WRN: variants seen among roughly 807,000 people sequenced by gnomAD.
The protein encoded by WRN is bifunctional 3'-5' exonuclease/ATP-dependent helicase WRN.
In WRN, 149 loss-of-function variants were observed where a neutral mutation model predicts 180.7. That is an observed-to-expected ratio of 0.82 (90% confidence interval 0.72 to 0.94). WRN has a LOEUF of 0.94. Among genes scored for constraint, WRN ranks in the 40% least tolerant of loss-of-function variants. The pLI is 0.00. For missense variants in WRN, 1,661 were observed against 1,700.1 expected (o/e 0.98, Z 0.40); for synonymous variants, 548 against 568.9 (o/e 0.96, Z 0.52).
At position 31,149,453 on chromosome 8, in the gene WRN, G is replaced by A. The variant is rs1803010454; in HGVS notation, c.3573-888G>A. Among the ~76,000 whole-genome samples the A allele has an allele frequency of 3.3e-5, 3 of 91,006 alleles. 1 individual carries two copies. Among genetic ancestry groups the A allele is most frequent in the Admixed American group, 3.0e-4 (2 of 6,724 alleles). 59.7% of individuals were successfully genotyped at this position (91,006 alleles called of 152,430 possible). On this transcript the variant is annotated intron_variant, in intron 30 of 34. Coordinates refer to ENST00000298139, the MANE Select transcript of WRN (RefSeq NM_000553.6). ...ATTCTAAGACCATACTTTAATAGAG[G>A]TGTTTTTTTTTTTTTTTTTTTTTTT... is the stretch of plus-strand genomic sequence containing the variant.
rs751515438 is a variant in WRN, at chr8:31,077,693, G to A, written c.839+1406G>A. ...TGTACTAGCAATTAAAATATCTACT[G>A]GATGTAAATCACATGTGCTTAATGC... On this transcript the variant is annotated intron_variant, in intron 8 of 34. Transcript: ENST00000298139. Among the ~76,000 whole-genome samples, 23 of 152,148 alleles carry A rather than the reference G, an allele frequency of 1.5e-4. 1 individual carries two copies.
At chr8:31,085,372 G>C in intron 11 of WRN, 126 bp downstream of exon 11, 2 of 1,020,984 alleles carry the variant, frequency 2.0e-6, no homozygotes, top group Non-Finnish European at 2.9e-6. Flanking sequence ...TGTAACATTA[G>C]ATTTCACATT....
chr8:31,173,214 A>G lies in WRN; in HGVS notation c.*112A>G, dbSNP rs1302365189. 5.7e-6 allele frequency: 6 copies of G among 1,044,616 alleles called. No homozygotes were observed. Among genetic ancestry groups the G allele is most frequent in the African/African-American group, 3.2e-5 (2 of 62,834 alleles). 64.7% of individuals were successfully genotyped at this position (1,044,616 alleles called of 1,614,324 possible). On this transcript the variant is annotated 3_prime_UTR_variant, in exon 35 of 35. Coordinates refer to ENST00000298139, the MANE Select transcript of WRN (RefSeq NM_000553.6). ...TTGGCTTAAAAATCATTCTAATTACAAAGTTCACTGTTTATTGAAGAACTG... is the reference window on the plus strand; with the variant it reads ...TTGGCTTAAAAATCATTCTAATTACGAAGTTCACTGTTTATTGAAGAACTG...
intron 19 of WRN, among the ~76,000 whole-genome samples, chr8:31,115,618 CTT>C (rs1413653413): frequency 6.6e-6 from 1 of 152,090 alleles, no homozygotes; most frequent in East Asian, 1.9e-4. Flanking sequence ...AATTGATTAA[CTT>C]TTCCTAAATC....
chr8:31,071,058 A>T (rs917358968), intron 7 of WRN, among the ~76,000 whole-genome samples: 1 of 151,968 alleles, frequency 6.6e-6, no homozygotes, highest in Non-Finnish European at 1.5e-5. Flanking sequence ...AAAAAAAAAA[A>T]AAAAAGTTAG....
chr8:31,047,903 T>G (rs1270860245), intron 1 of WRN, among the ~76,000 whole-genome samples: 3 of 152,212 alleles, frequency 2.0e-5, no homozygotes, highest in African/African-American at 7.2e-5. Context: ...ATGGATTCAG[T>G]TCAGGTCAAG....
At chr8:31,145,835 A>C (rs1189630344) in intron 28 of WRN, among the ~76,000 whole-genome samples, 1 of 152,158 alleles carries the variant, frequency 6.6e-6, no homozygotes. Flanking sequence ...GATTCTTATT[A>C]AAATCAAGAG....
rs764445113 is a variant in WRN, at chr8:31,088,907, C to T, written c.1594C>T (p.Pro532Ser). ...DDDKDFLWPAPNEEQVTCLKM... is the reference protein window; with the variant it reads ...DDDKDFLWPASNEEQVTCLKM... ...ATTTCCAGACTTTTTGTGGCCAGCA[C>T]CCAATGAAGAGCAAGTTACTTGCCT... Residue 532 changes from proline to serine, a missense_variant, in exon 13 of 35, where the codon CCC (proline) becomes TCC (serine). Around this residue, in one of 3 missense-constraint regions of WRN, gnomAD observed 1,141 missense variants for 1,149.4 expected, o/e 0.99. Transcript: ENST00000298139. 7.4e-6 allele frequency: 12 copies of T among 1,611,152 alleles called. No individual in the cohort carries two copies. Among genetic ancestry groups the T allele is most frequent in the Non-Finnish European group, 9.3e-6 (11 of 1,178,560 alleles).
intron 24 of WRN, among the ~76,000 whole-genome samples, chr8:31,140,520 C>T (rs539580131): frequency 1.3e-5 from 2 of 151,856 alleles, no homozygotes; most frequent in Admixed American, 6.5e-5. Context: ...AAGAGCGTCC[C>T]GTAGGAATTC....
chr8:31,125,543 T>TATATATATATATATATAG (rs1563366222), intron 23 of WRN, among the ~76,000 whole-genome samples: 3 of 78,412 alleles, frequency 3.8e-5, no homozygotes, highest in Non-Finnish European at 8.7e-5. Flanking sequence ...TGGAGATATA[T>TATATATATATATATATAG]ATATATATAT....
At chr8:31,103,522 C>T (rs1800962592) in intron 18 of WRN, among the ~76,000 whole-genome samples, 1 of 151,764 alleles carries the variant, frequency 6.6e-6, no homozygotes, top group African/African-American at 2.4e-5. Context: ...TCCACATGTG[C>T]TCTGTCATTG....
rs1490031424 is a variant in WRN, at chr8:31,111,950, T to C, written c.2273+151T>C. The C allele has an allele frequency of 3.2e-6, 3 of 952,260 alleles. No individual in the cohort carries two copies. The East Asian group carries it at 7.9e-5, about 25-fold the overall frequency. The allele number at this position is 952,260 out of a possible 1,614,324, so 59.0% of individuals were successfully genotyped here. A position where few individuals can be genotyped will look rare whatever the true frequency, so the allele number is the denominator to read the frequency against. ...GTTTTGGTTCAAGTCAAGCATGATGTTATATAATCAATTCAGTGATTGAGA... is the reference window on the plus strand; with the variant it reads ...GTTTTGGTTCAAGTCAAGCATGATGCTATATAATCAATTCAGTGATTGAGA... On this transcript the variant is annotated intron_variant, in intron 19 of 34. Transcript: ENST00000298139.
rs2725351 is a variant in WRN at position 31,119,930 on chromosome 8, T to C, written c.2449-313T>C. ...CAGGTAAGGACGCTTGAAACTTCAT[T>C]ATAATGCAAAAGTTTTCTTTAACAC... On this transcript the variant is annotated intron_variant, in intron 20 of 34. Coordinates refer to ENST00000298139, the MANE Select transcript of WRN (RefSeq NM_000553.6). 0.35 allele frequency: 109,245 copies of C among 310,100 alleles called. 21,079 individuals carry two copies. Among genetic ancestry groups the C allele is most frequent in the East Asian group, 0.61 (7,610 of 12,552 alleles). The allele number at this position is 310,100 out of a possible 1,614,324, so 19.2% of individuals were successfully genotyped here.
chr8:31,132,579 A>AG, intron 24 of WRN, 73 bp downstream of exon 24: 11 of 1,604,874 alleles, frequency 6.9e-6, no homozygotes, highest in Non-Finnish European at 9.4e-6. Flanking sequence ...AGAGGTTTGC[A>AG]GTATTATGAT....
At chr8:31,164,092 C>G (rs1168435554) in intron 33 of WRN, among the ~76,000 whole-genome samples, 2 of 152,136 alleles carry the variant, frequency 1.3e-5, no homozygotes, top group African/African-American at 2.4e-5. Flanking sequence ...CCCACCTCAG[C>G]CTGCCTAAGT....
intron 28 of WRN, 94 bp downstream of exon 28, chr8:31,143,717 G>A: frequency 2.3e-6 from 2 of 875,124 alleles, no homozygotes; most frequent in Admixed American, 2.3e-5. Flanking sequence ...CTATTTCATT[G>A]GCAAAAGGAA....
intron 7 of WRN, among the ~76,000 whole-genome samples, chr8:31,070,112 T>C (rs1812850833): frequency 6.6e-6 from 1 of 151,738 alleles, no homozygotes; most frequent in African/African-American, 2.4e-5. Flanking sequence ...CAGTGAATTG[T>C]ATTAGGTTGG....
chr8:31,171,310 A>G (rs1332484352), intron 34 of WRN: 1 of 151,686 alleles, frequency 6.6e-6, no homozygotes, highest in African/African-American at 2.4e-5. Context: ...TCCAGAATCT[A>G]CAAGGAACCT....
At chr8:31,090,383 A>G (rs543107831) in intron 13 of WRN, 82 bp from the exon 14 acceptor site, 2 of 1,337,586 alleles carry the variant, frequency 1.5e-6, no homozygotes, top group South Asian at 1.2e-5. Context: ...ATGAGAGGAA[A>G]TGAAAAATTG....
Sources: allele counts gnomAD v4.1 joint callset (sites outside exome capture counted in the v4.1 genomes callset), GRCh38; gene constraint gnomAD v4.1.1; regional missense constraint gnomAD v4.1.1; transcripts MANE v1.5; gene names NCBI Gene and HGNC (gene_info 2026-07-23, HGNC 2026-07-21).